The following CAP2 variants were observed in gnomAD, a reference collection of about 807,000 sequenced individuals.
The protein encoded by CAP2 is cyclase associated actin cytoskeleton regulatory protein 2.
CAP2 carries 24 observed loss-of-function variants against 57.7 expected under a neutral mutation model. The ratio of observed to expected loss-of-function variants is 0.42; its 90% CI spans 0.30 to 0.58. The LOEUF (loss-of-function observed/expected upper bound fraction) is 0.58. Among genes scored for constraint, CAP2 ranks in the 20% least tolerant of loss-of-function variants. The pLI, the probability that CAP2 is intolerant of heterozygous loss-of-function variation, is 0.22. For synonymous variants in CAP2, 194 were observed against 207.2 expected (o/e 0.94, Z 0.55); for missense variants, 501 against 590.3 (o/e 0.85, Z 1.57).
intron 3 of CAP2, among the ~76,000 whole-genome samples, chr6:17,456,325 C>T (rs1040753774): frequency 2.0e-5 from 3 of 152,122 alleles, no homozygotes; most frequent in African/African-American, 4.8e-5. Flanking sequence ...GATACAGAAA[C>T]GGGGTTGGTG....
chr6:17,450,877 G>C (rs1484493916), intron 3 of CAP2, among the ~76,000 whole-genome samples: 1 of 152,126 alleles, frequency 6.6e-6, no homozygotes, highest in African/African-American at 2.4e-5. Flanking sequence ...CTTTTGATTT[G>C]TGCTTTGGCT....
intron 4 of CAP2, among the ~76,000 whole-genome samples, chr6:17,484,400 G>A (rs1761371415): frequency 6.6e-6 from 1 of 152,202 alleles, no homozygotes; most frequent in Non-Finnish European, 1.5e-5. Flanking sequence ...CCACAGGGGT[G>A]CCTCTTTGTC....
At chr6:17,466,931 T>A (rs1259708246) in intron 4 of CAP2, among the ~76,000 whole-genome samples, 1 of 152,172 alleles carries the variant, frequency 6.6e-6, no homozygotes, top group Non-Finnish European at 1.5e-5. Flanking sequence ...ATCTAGTAGA[T>A]GAGTTACTAA....
intron 7 of CAP2, among the ~76,000 whole-genome samples, chr6:17,538,016 G>A (rs1175576998): frequency 3.3e-5 from 5 of 152,040 alleles, no homozygotes; most frequent in East Asian, 3.8e-4. Context: ...GTAGGGAGCC[G>A]AGATCATGCC....
At position 17,513,862 on chromosome 6, in the gene CAP2, G is replaced by T. The variant is rs1455466724; in HGVS notation, c.544G>T (p.Val182Leu). 1 of 1,610,686 alleles carries T rather than the reference G, an allele frequency of 6.2e-7. No homozygotes were observed. The highest frequency in any genetic ancestry group is 1.3e-5 in the African/African-American group (1 of 74,856). ...TTCACAACAAAGTGATTTGCGTCAT[G>T]TGGATTGGGTGAAGTCATATTTGAA... ...KDYKHSDLRHVDWVKSYLNIW... is the reference protein window; with the variant it reads ...KDYKHSDLRHLDWVKSYLNIW... The change falls in exon 7 of 13, where the codon GTG (valine) becomes TTG (leucine). Residue 182 changes from valine to leucine, a missense_variant. Val to Leu is a conservative substitution (Grantham distance 32). Transcript: ENST00000229922. The surrounding 1 kb of genome is among the most constrained non-coding windows in gnomAD (Gnocchi z 4.3).
intron 12 of CAP2, among the ~76,000 whole-genome samples, chr6:17,554,515 C>T (rs916654695): frequency 6.6e-6 from 1 of 152,260 alleles, no homozygotes; most frequent in Non-Finnish European, 1.5e-5. Flanking sequence ...GCATCAGCCT[C>T]ACAAAGTGCT....
chr6:17,450,738 T>G lies in CAP2; in HGVS notation c.223-12258T>G, dbSNP rs551990914. Among the ~76,000 whole-genome samples, 310 of 152,294 alleles carry G rather than the reference T, an allele frequency of 2.0e-3. 1 individual carries two copies. The highest frequency in any genetic ancestry group is 7.0e-3 in the African/African-American group (290 of 41,556). On this transcript the variant is annotated intron_variant, in intron 3 of 12. Coordinates refer to ENST00000229922, the MANE Select transcript of CAP2 (RefSeq NM_006366.3). Reference sequence around the variant, plus strand: ...CTTTCCTTCCCAGATTGCAAAACTATTTAGCCTTATTCAATAAGCATGCCT... The same window carrying G: ...CTTTCCTTCCCAGATTGCAAAACTAGTTAGCCTTATTCAATAAGCATGCCT...
Position 17,439,311 on chromosome 6 carries a change from C to T in CAP2, c.222+12621C>T, listed in dbSNP as rs910865722. Among the ~76,000 whole-genome samples the T allele has an allele frequency of 6.0e-5, 9 of 150,460 alleles. 1 individual carries two copies. The highest frequency in any genetic ancestry group is 2.2e-4 in the African/African-American group (9 of 40,236). The stretch of plus-strand genomic sequence containing the variant: ...TTCCCATCACTATCATTAATCAGTC[C>T]ATTTCCCCCATGGATCGAAATGCTG... On this transcript the variant is annotated intron_variant, in intron 3 of 12. Coordinates refer to ENST00000229922, the MANE Select transcript of CAP2 (RefSeq NM_006366.3).
intron 4 of CAP2, 94 bp downstream of exon 4, chr6:17,463,167 C>T: frequency 1.2e-6 from 1 of 856,710 alleles, no homozygotes. Context: ...TATAGTCGAC[C>T]TCCTAAAAAT....
At chr6:17,461,733 C>G (rs1760725032) in intron 3 of CAP2, among the ~76,000 whole-genome samples, 1 of 151,128 alleles carries the variant, frequency 6.6e-6, no homozygotes, top group Non-Finnish European at 1.5e-5. Flanking sequence ...TGGCTCACAC[C>G]TGTGATCCCA....
At chr6:17,479,260 G>A (rs1458389494) in intron 4 of CAP2, among the ~76,000 whole-genome samples, 1 of 152,076 alleles carries the variant, frequency 6.6e-6, no homozygotes, top group East Asian at 1.9e-4. Flanking sequence ...TCCAAATGCT[G>A]GGCTCCCTCA....
At chr6:17,438,828 T>C (rs1204691454) in intron 3 of CAP2, among the ~76,000 whole-genome samples, 5 of 149,034 alleles carry the variant, frequency 3.4e-5, no homozygotes, top group Non-Finnish European at 1.5e-5. Flanking sequence ...AAAAGGCTTT[T>C]TCTGCCGGGC....
intron 4 of CAP2, among the ~76,000 whole-genome samples, chr6:17,492,125 C>A (rs1346947907): frequency 3.9e-5 from 6 of 152,194 alleles, no homozygotes; most frequent in African/African-American, 1.4e-4. Flanking sequence ...TTGCAGTACC[C>A]ATGTGCGATG....
At chr6:17,517,966 T>G (rs1036899623) in intron 7 of CAP2, among the ~76,000 whole-genome samples, 2 of 152,014 alleles carry the variant, frequency 1.3e-5, no homozygotes, top group Admixed American at 1.3e-4. Context: ...ATAAATATGA[T>G]CCATAGAGCA....
intron 4 of CAP2, among the ~76,000 whole-genome samples, chr6:17,506,189 A>G (rs970829832): frequency 1.3e-5 from 2 of 152,106 alleles, no homozygotes; most frequent in African/African-American, 2.4e-5. Flanking sequence ...ATGAGCCACC[A>G]CGCCCAGCCA....
At chr6:17,416,112 C>G (rs548850949) in intron 1 of CAP2, among the ~76,000 whole-genome samples, 37 of 151,650 alleles carry the variant, frequency 2.4e-4, no homozygotes, top group African/African-American at 8.2e-4. Flanking sequence ...AATTACATAC[C>G]ACAATTTTCA....
At chr6:17,445,952 T>G (rs984621762) in intron 3 of CAP2, among the ~76,000 whole-genome samples, 2 of 152,238 alleles carry the variant, frequency 1.3e-5, no homozygotes, top group Non-Finnish European at 2.9e-5. Context: ...CGTTACACTT[T>G]GAAAACTTGT....
chr6:17,479,797 A>G (rs961196438), intron 4 of CAP2, among the ~76,000 whole-genome samples: 1 of 151,312 alleles, frequency 6.6e-6, no homozygotes, highest in African/African-American at 2.4e-5. Context: ...ATTTTTTTTT[A>G]GTAGACATGG....
intron 9 of CAP2, 64 bp downstream of exon 9, chr6:17,541,212 C>T: frequency 7.9e-7 from 1 of 1,270,408 alleles, no homozygotes; most frequent in Non-Finnish European, 1.1e-6. Context: ...AACAGCCAAA[C>T]CATTTACCAA....
Sources: gnomAD v4.1 joint callset for allele counts (sites outside exome capture counted in the v4.1 genomes callset) on GRCh38, gnomAD v4.1.1 for gene constraint, Gnocchi (gnomAD v3.1) non-coding constraint, MANE v1.5 for transcripts, NCBI Gene and HGNC (gene_info 2026-07-23, HGNC 2026-07-21) for gene names.